Variants in ADAMTS19 observed in about 807,000 individuals in gnomAD.
ADAMTS19 encodes the protein ADAM metallopeptidase with thrombospondin type 1 motif 19.
ADAMTS19 carries 93 observed loss-of-function variants against 153.3 expected under a neutral mutation model. The observed-to-expected ratio is 0.61, with a 90% confidence interval of 0.51 to 0.72. The LOEUF (loss-of-function observed/expected upper bound fraction) is 0.72. Ranked by LOEUF, ADAMTS19 falls within the 30% of genes least tolerant of loss-of-function variation. ADAMTS19 has a pLI of 0.00. For synonymous variants in ADAMTS19, 600 were observed against 556.6 expected, an observed-to-expected ratio of 1.08 and a Z score of -1.10; for missense variants, 1,482 against 1,552.1, an observed-to-expected ratio of 0.95 and a Z score of 0.76.
chr5:129,632,142 A>C (rs143447733), intron 10 of ADAMTS19, among the ~76,000 whole-genome samples: 4 of 152,164 alleles, frequency 2.6e-5, no homozygotes, highest in African/African-American at 9.6e-5. Context: ...GCCATAGATA[A>C]TATGTAATGG....
At chr5:129,609,469 C>A (rs538242750) in intron 8 of ADAMTS19, among the ~76,000 whole-genome samples, 1 of 152,074 alleles carries the variant, frequency 6.6e-6, no homozygotes, top group Non-Finnish European at 1.5e-5. Flanking sequence ...GATTTTCAGC[C>A]TTCACTGGCC....
chr5:129,697,271 C>T (rs1207010749), intron 19 of ADAMTS19, among the ~76,000 whole-genome samples: 2 of 152,142 alleles, frequency 1.3e-5, no homozygotes, highest in Non-Finnish European at 2.9e-5. Context: ...TCTACCCACC[C>T]TCCTTTCATA....
In ADAMTS19 at chr5:129,692,507, G is replaced by A. The variant is rs185900820; in HGVS notation, c.2819-2213G>A. 2.5e-3 allele frequency among the ~76,000 whole-genome samples: 374 copies of A among 152,262 alleles called. 1 individual carries two copies. Among genetic ancestry groups the A allele is most frequent in the African/African-American group, 8.5e-3 (353 of 41,554 alleles). On this transcript the variant is annotated intron_variant, in intron 18 of 22. Coordinates refer to ENST00000274487, the MANE Select transcript of ADAMTS19 (RefSeq NM_133638.6). ...CAGCTTCTAAGTATCTGCCAGAGACGTGAAAGACTGCCTTTCCTCTGCAAG... is the reference window on the plus strand; with the variant it reads ...CAGCTTCTAAGTATCTGCCAGAGACATGAAAGACTGCCTTTCCTCTGCAAG...
intron 6 of ADAMTS19, among the ~76,000 whole-genome samples, chr5:129,537,439 G>A (rs1752483904): frequency 2.0e-5 from 3 of 152,134 alleles, no homozygotes; most frequent in Admixed American, 2.0e-4. Context: ...TATACCCAAA[G>A]GATTTTAAAT....
At chr5:129,672,257 G>A (rs980524876) in intron 16 of ADAMTS19, among the ~76,000 whole-genome samples, 9 of 152,006 alleles carry the variant, frequency 5.9e-5, no homozygotes, top group South Asian at 4.2e-4. Context: ...ATTACCTCCC[G>A]AAGACTCCAC....
intron 21 of ADAMTS19, among the ~76,000 whole-genome samples, chr5:129,731,322 A>G (rs1487317102): frequency 1.3e-5 from 2 of 152,116 alleles, no homozygotes; most frequent in African/African-American, 4.8e-5. Flanking sequence ...GCACAACTGT[A>G]GAGGTAGAAA....
intron 19 of ADAMTS19, among the ~76,000 whole-genome samples, chr5:129,698,880 A>C (rs2127155453): frequency 6.6e-6 from 1 of 152,322 alleles, no homozygotes; most frequent in African/African-American, 2.4e-5. Context: ...TCCAAAGCAA[A>C]ATGGCAGGTC....
intron 2 of ADAMTS19, among the ~76,000 whole-genome samples, chr5:129,496,134 T>A (rs1019836638): frequency 6.6e-6 from 1 of 152,100 alleles, no homozygotes; most frequent in Non-Finnish European, 1.5e-5. Context: ...TAATTATAAT[T>A]TCTTGGGTTT....
Position 129,710,168 on chromosome 5 carries a change from C to G in ADAMTS19, c.3312+5777C>G, listed in dbSNP as rs112161333. ...GCCCTAGTGTGTGTTGTTCCTCTCC[C>G]TGGTCCATGTGTTCTCATTGTTCAT... On this transcript the variant is annotated intron_variant, in intron 21 of 22. Transcript: ENST00000274487. Among the ~76,000 whole-genome samples, 801 of 152,206 alleles carry G rather than the reference C, an allele frequency of 5.3e-3. 3 individuals carry two copies. Among genetic ancestry groups the G allele is most frequent in the African/African-American group, 0.018 (734 of 41,522 alleles).
chr5:129,713,249 T>C (rs1756562740), intron 21 of ADAMTS19, among the ~76,000 whole-genome samples: 1 of 152,216 alleles, frequency 6.6e-6, no homozygotes, highest in Non-Finnish European at 1.5e-5. Context: ...TATGAGAATT[T>C]GATATGAATT....
intron 10 of ADAMTS19, among the ~76,000 whole-genome samples, chr5:129,625,826 G>C (rs1420670057): frequency 6.6e-6 from 1 of 152,084 alleles, no homozygotes. Context: ...TTCTTTTGCT[G>C]TGCAGAAGCT....
At chr5:129,714,569 G>A (rs960799332) in intron 21 of ADAMTS19, among the ~76,000 whole-genome samples, 2 of 152,278 alleles carry the variant, frequency 1.3e-5, no homozygotes, top group East Asian at 3.9e-4. Context: ...TATGGGAGAA[G>A]TGGAGTGAGG....
rs1008089398 is a variant in ADAMTS19 at position 129,509,314 on chromosome 5, C to T, written c.913+72C>T. 2.4e-5 allele frequency: 32 copies of T among 1,328,788 alleles called. No individual in the cohort carries two copies. The African/African-American group carries it at 3.9e-4, about 16-fold the overall frequency. 82.3% of individuals were successfully genotyped at this position (1,328,788 alleles called of 1,614,324 possible). ...GATGACTACTTTAAAAAAACTCTCT[C>T]GTCTATTTACTAGCTTTACTTATTT... On this transcript the variant is annotated intron_variant, in intron 3 of 22. Coordinates refer to ENST00000274487, the MANE Select transcript of ADAMTS19 (RefSeq NM_133638.6).
At chr5:129,702,119 G>C (rs1361541336) in intron 20 of ADAMTS19, among the ~76,000 whole-genome samples, 1 of 152,134 alleles carries the variant, frequency 6.6e-6, no homozygotes, top group Non-Finnish European at 1.5e-5. Context: ...GGTAGAGCTG[G>C]GATTTGAACC....
rs560661194 is a variant in ADAMTS19, at chr5:129,460,514, T to C, written c.91+32T>C. The C allele has an allele frequency of 5.7e-4, 925 of 1,613,502 alleles. 19 individuals are homozygous for C. The South Asian group carries it at 9.7e-3, about 17-fold the overall frequency. On this transcript the variant is annotated intron_variant, in intron 1 of 22. Coordinates refer to ENST00000274487, the MANE Select transcript of ADAMTS19 (RefSeq NM_133638.6). ...TCTTCCGTGACTTTCTCGCTTCCTT[T>C]CCAGCCATCCCAGCGGAGACCGCGA...
chr5:129,509,971 T>C (rs776762650), intron 3 of ADAMTS19, among the ~76,000 whole-genome samples: 1 of 151,900 alleles, frequency 6.6e-6, no homozygotes, highest in Non-Finnish European at 1.5e-5. Context: ...CTGAAAGTCA[T>C]AGCTAATATT....
At chr5:129,677,669 A>G (rs1440363799) in intron 16 of ADAMTS19, among the ~76,000 whole-genome samples, 1 of 152,018 alleles carries the variant, frequency 6.6e-6, no homozygotes, top group Non-Finnish European at 1.5e-5. Context: ...AAATCTTGAT[A>G]TTTTCATCCA....
intron 8 of ADAMTS19, among the ~76,000 whole-genome samples, chr5:129,605,771 A>G (rs1750863203): frequency 1.3e-5 from 2 of 152,182 alleles, no homozygotes; most frequent in African/African-American, 4.8e-5. Context: ...TTACATTTGT[A>G]CAAGTTGAAA....
chr5:129,689,692 T>C (rs1755246140), intron 18 of ADAMTS19, among the ~76,000 whole-genome samples: 1 of 152,194 alleles, frequency 6.6e-6, no homozygotes. Context: ...CCCAAACTGC[T>C]GGGATTACAG....
Sources: allele counts gnomAD v4.1 joint callset (sites outside exome capture counted in the v4.1 genomes callset), GRCh38; gene constraint gnomAD v4.1.1; transcripts MANE v1.5; gene names NCBI Gene and HGNC (gene_info 2026-07-23, HGNC 2026-07-21).